RAB3C: variants seen among roughly 807,000 people sequenced by gnomAD.
RAB3C encodes the protein RAB3C, member RAS oncogene family.
Under a neutral mutation model 26.4 loss-of-function variants are expected in RAB3C, and 17 were observed. The ratio of observed to expected loss-of-function variants is 0.64; its 90% CI spans 0.44 to 0.97. The LOEUF is 0.97. Ranked by LOEUF, RAB3C falls within the 50% of genes least tolerant of loss-of-function variation. The pLI is 0.00. For missense variants in RAB3C, 242 were observed against 281.9 expected, an observed-to-expected ratio of 0.86 and a Z score of 1.01; for synonymous variants, 91 against 95.9, an observed-to-expected ratio of 0.95 and a Z score of 0.30.
At chr5:58,618,354 G>T (rs140957765) in intron 2 of RAB3C, among the ~76,000 whole-genome samples, 2 of 152,122 alleles carry the variant, frequency 1.3e-5, no homozygotes, top group South Asian at 2.1e-4. Context: ...CCTTCATAAA[G>T]CTCCAGATAG....
intron 3 of RAB3C, among the ~76,000 whole-genome samples, chr5:58,770,230 A>T (rs1305778169): frequency 2.0e-5 from 3 of 152,220 alleles, no homozygotes; most frequent in Admixed American, 1.3e-4. Context: ...TGGGTTATCC[A>T]CATCATTTTC....
chr5:58,619,166 G>T (rs1048306271), intron 2 of RAB3C, among the ~76,000 whole-genome samples: 12 of 152,202 alleles, frequency 7.9e-5, no homozygotes, highest in African/African-American at 2.6e-4. Context: ...TATTTTACTT[G>T]TTCTAACTCT....
At chr5:58,595,740 A>G (rs1746232658) in intron 1 of RAB3C, among the ~76,000 whole-genome samples, 1 of 152,134 alleles carries the variant, frequency 6.6e-6, no homozygotes, top group Non-Finnish European at 1.5e-5. Flanking sequence ...TTGTATTCCT[A>G]AATAAAAATG....
chr5:58,738,396 T>G (rs1016171117), intron 3 of RAB3C, among the ~76,000 whole-genome samples: 1 of 152,140 alleles, frequency 6.6e-6, no homozygotes, highest in African/African-American at 2.4e-5. Context: ...TTCAGAAAAG[T>G]GTGTGTGTGT....
At chr5:58,842,050 A>G (rs1743887477) in intron 4 of RAB3C, among the ~76,000 whole-genome samples, 1 of 152,174 alleles carries the variant, frequency 6.6e-6, no homozygotes, top group Non-Finnish European at 1.5e-5. Flanking sequence ...AGCCAACTCA[A>G]TGCAGGCATC....
chr5:58,587,164 T>A (rs746772322), intron 1 of RAB3C, among the ~76,000 whole-genome samples: 1 of 152,166 alleles, frequency 6.6e-6, no homozygotes, highest in Non-Finnish European at 1.5e-5. Context: ...AATTCACTTT[T>A]GTAGTATAAG....
chr5:58,754,542 C>T (rs932082255), intron 3 of RAB3C, among the ~76,000 whole-genome samples: 11 of 152,172 alleles, frequency 7.2e-5, no homozygotes, highest in Non-Finnish European at 1.2e-4. Flanking sequence ...GTAACTTTTG[C>T]CTTTGGGAGG....
intron 3 of RAB3C, among the ~76,000 whole-genome samples, chr5:58,765,944 C>A (rs73104337): frequency 3.9e-5 from 6 of 152,166 alleles, no homozygotes; most frequent in African/African-American, 1.2e-4. Flanking sequence ...GCACCTCCCC[C>A]TGCCCACTCT....
intron 1 of RAB3C, among the ~76,000 whole-genome samples, chr5:58,586,670 A>G (rs1445833152): frequency 6.6e-6 from 1 of 152,108 alleles, no homozygotes; most frequent in East Asian, 1.9e-4. Flanking sequence ...TCATAAATGC[A>G]GTCTTCTGAC....
rs1478527340 is a variant in RAB3C at position 58,693,334 on chromosome 5, G to GTATATATATATATATA, written c.253-32667_253-32666insATATATATATATATAT. ...TAAAATTAAGAAATTATATATATAT[G>GTATATATATATATATA]TGTATATATATATATATATATATAT... is the stretch of plus-strand genomic sequence containing the variant. On this transcript the variant is annotated intron_variant, in intron 2 of 4. Transcript: ENST00000282878. Among the ~76,000 whole-genome samples, 602 of 83,728 alleles carry GTATATATATATATATA rather than the reference G, an allele frequency of 7.2e-3. 29 individuals are homozygous for GTATATATATATATATA. Among genetic ancestry groups the GTATATATATATATATA allele is most frequent in the African/African-American group, 0.027 (577 of 21,414 alleles). The allele number at this position is 83,728 out of a possible 152,430, so 54.9% of individuals were successfully genotyped here. A position where few individuals can be genotyped will look rare whatever the true frequency, so the allele number is the denominator to read the frequency against.
intron 2 of RAB3C, among the ~76,000 whole-genome samples, chr5:58,672,502 C>T (rs567090768): frequency 1.3e-5 from 2 of 152,238 alleles, no homozygotes; most frequent in South Asian, 4.1e-4. Flanking sequence ...ATATCTATGT[C>T]CAGCATTCCC....
intron 1 of RAB3C, among the ~76,000 whole-genome samples, chr5:58,614,799 G>T (rs1274153201): frequency 2.5e-4 from 38 of 152,072 alleles, no homozygotes; most frequent in Admixed American, 2.0e-3. Flanking sequence ...CCCGTGTGTG[G>T]AGTGAACTAA....
At chr5:58,621,428 C>A (rs1018028857) in intron 2 of RAB3C, among the ~76,000 whole-genome samples, 1 of 152,178 alleles carries the variant, frequency 6.6e-6, no homozygotes, top group Non-Finnish European at 1.5e-5. Flanking sequence ...GCTAGGTGGG[C>A]TAGTCTGGTT....
At chr5:58,692,009 T>A (rs557377846) in intron 2 of RAB3C, among the ~76,000 whole-genome samples, 19 of 152,282 alleles carry the variant, frequency 1.2e-4, no homozygotes, top group African/African-American at 4.6e-4. Context: ...AAAGTGACGC[T>A]TTTTCTTCAA....
intron 4 of RAB3C, among the ~76,000 whole-genome samples, chr5:58,846,326 T>G (rs1337566794): frequency 6.6e-6 from 1 of 152,170 alleles, no homozygotes; most frequent in Admixed American, 6.5e-5. Context: ...ATGCATATTC[T>G]GAAGCCCCAT....
chr5:58,811,203 T>A (rs753783310), intron 3 of RAB3C, among the ~76,000 whole-genome samples: 2 of 152,228 alleles, frequency 1.3e-5, no homozygotes, highest in African/African-American at 4.8e-5. Flanking sequence ...AATTACTCTC[T>A]ACAACCAAGG....
intron 2 of RAB3C, among the ~76,000 whole-genome samples, chr5:58,619,425 T>C (rs941974466): frequency 6.6e-6 from 1 of 152,222 alleles, no homozygotes; most frequent in Non-Finnish European, 1.5e-5. Flanking sequence ...GGCAATCCAA[T>C]TGTTATATGA....
chr5:58,729,573 T>G (rs1740962780), intron 3 of RAB3C, among the ~76,000 whole-genome samples: 1 of 150,974 alleles, frequency 6.6e-6, no homozygotes, highest in Non-Finnish European at 1.5e-5. Flanking sequence ...TTGTAGCATG[T>G]CAGAATGTCC....
chr5:58,821,619 T>C (rs1264353074), intron 3 of RAB3C, among the ~76,000 whole-genome samples: 2 of 152,338 alleles, frequency 1.3e-5, no homozygotes, highest in East Asian at 3.9e-4. Flanking sequence ...ATTATTAACT[T>C]AGGTATCAGA....
Sources: gnomAD v4.1 joint callset for allele counts (sites outside exome capture counted in the v4.1 genomes callset) on GRCh38, gnomAD v4.1.1 for gene constraint, MANE v1.5 for transcripts, NCBI Gene and HGNC (gene_info 2026-07-23, HGNC 2026-07-21) for gene names.